The following CCND3 variants were observed in gnomAD, a reference collection of about 807,000 sequenced individuals.
The protein encoded by CCND3 is G1/S-specific cyclin-D3.
Under a neutral mutation model 28.7 loss-of-function variants are expected in CCND3, and 9 were observed. The ratio of observed to expected loss-of-function variants is 0.31; its 90% CI spans 0.19 to 0.55. The LOEUF (loss-of-function observed/expected upper bound fraction) is 0.55. Ranked by LOEUF, CCND3 falls within the 20% of genes least tolerant of loss-of-function variation. The pLI is 0.93. For synonymous variants in CCND3, 164 were observed against 163.9 expected (o/e 1.00, Z 0.00); for missense variants, 315 against 385.8 (o/e 0.82, Z 1.54).
chr6:42,048,843 C>T lies in CCND3; in HGVS notation c.-388G>A, dbSNP rs749408426. On this transcript the variant is annotated 5_prime_UTR_variant, in exon 1 of 5. Transcript: ENST00000372988. This position sits in a 1 kb window ranked among gnomAD's most constrained non-coding sequence, Gnocchi z 4.7. ...ACACCCTCGGCGAGGCCAGGAGGCT[C>T]ATCCGGCGCCGCGCACCCCCGCCCG... The T allele has an allele frequency of 1.5e-4, 49 of 327,620 alleles. No homozygotes were observed. The Middle Eastern group carries it at 2.9e-3, about 20-fold the overall frequency. 20.3% of individuals were successfully genotyped at this position (327,620 alleles called of 1,614,324 possible).
chr6:42,008,304 G>A (rs1763237428), intron 1 of CCND3, among the ~76,000 whole-genome samples: 1 of 152,160 alleles, frequency 6.6e-6, no homozygotes, highest in African/African-American at 2.4e-5. Context: ...CTTAAACCCA[G>A]GAGGCAGAGG....
At chr6:42,003,162 C>CAAAAAAAAA (rs55721061) in intron 1 of CCND3, among the ~76,000 whole-genome samples, 1 of 110,348 alleles carries the variant, frequency 9.1e-6, no homozygotes, top group African/African-American at 3.4e-5. Context: ...AACAGCGTGT[C>CAAAAAAAAA]AAAAAAAAAA....
intron 1 of CCND3, among the ~76,000 whole-genome samples, chr6:41,999,146 G>A (rs1004486297): frequency 6.6e-6 from 1 of 152,200 alleles, no homozygotes; most frequent in African/African-American, 2.4e-5. Flanking sequence ...AATTTGTGCT[G>A]TGGCTGGGCA....
At chr6:42,040,162 A>T (rs1764328117) in intron 1 of CCND3, among the ~76,000 whole-genome samples, 1 of 152,234 alleles carries the variant, frequency 6.6e-6, no homozygotes, top group Non-Finnish European at 1.5e-5. Context: ...TCACGCCTGT[A>T]ATCCCAGCAC....
At position 41,936,418 on chromosome 6, in the gene CCND3, G is replaced by T; in HGVS notation, c.711+141C>A. 9.9e-7 allele frequency: 1 copy of T among 1,006,688 alleles called. No homozygotes were observed. 62.4% of individuals were successfully genotyped at this position (1,006,688 alleles called of 1,614,324 possible). ...TGCTCTTCCCCAGACCAAGGCAGGA[G>T]ATAAAAAGCCACAAAGCCCCAAGGT... On this transcript the variant is annotated intron_variant, in intron 4 of 4. Coordinates refer to ENST00000372991, the MANE Select transcript of CCND3 (RefSeq NM_001760.5). The surrounding 1 kb of genome is among the most constrained non-coding windows in gnomAD (Gnocchi z 4.4).
intron 1 of CCND3, among the ~76,000 whole-genome samples, chr6:41,999,111 C>A (rs1031742914): frequency 7.2e-5 from 11 of 152,150 alleles, no homozygotes; most frequent in African/African-American, 2.7e-4. Flanking sequence ...CTAGAAGTGG[C>A]CAACGTAGGA....
Position 41,936,658 on chromosome 6 carries a change from G to A in CCND3, c.612C>T (p.Ala204=). Residue 204 remains alanine (A), a synonymous_variant, in exon 4 of 5, where the codon GCC becomes GCT. Transcript: ENST00000372991. This position sits in a 1 kb window ranked among gnomAD's most constrained non-coding sequence, Gnocchi z 4.4. ...GCACTGCAGCCCCAATGCTGCCCGTGGCGATCATGGATGGCGGGTACATGG... is the reference window on the plus strand; with the variant it reads ...GCACTGCAGCCCCAATGCTGCCCGTAGCGATCATGGATGGCGGGTACATGG... The part of the protein sequence containing the change: ...TFAMYPPSMI[A]TGSIGAAVQG... 1 of 1,614,158 alleles carries A rather than the reference G, an allele frequency of 6.2e-7. No homozygotes were observed. Among genetic ancestry groups the A allele is most frequent in the Non-Finnish European group, 8.5e-7 (1 of 1,180,004 alleles).
chr6:41,978,672 C>T (rs1286058666), intron 1 of CCND3, among the ~76,000 whole-genome samples: 1 of 152,100 alleles, frequency 6.6e-6, no homozygotes, highest in Non-Finnish European at 1.5e-5. Context: ...ACTGATCTGG[C>T]GTCCTGTGCT....
At chr6:41,990,983 C>T (rs1762630405) in intron 1 of CCND3, among the ~76,000 whole-genome samples, 1 of 151,634 alleles carries the variant, frequency 6.6e-6, no homozygotes, top group Non-Finnish European at 1.5e-5. Flanking sequence ...CCCGGCTTAG[C>T]CAACTGATTT....
chr6:42,006,894 C>G (rs9471725), intron 1 of CCND3, among the ~76,000 whole-genome samples: 52,505 of 148,484 alleles, frequency 0.35, 10,348 homozygotes, highest in Middle Eastern at 0.5. Flanking sequence ...GGTGACAGAG[C>G]AAGACTCTGT....
chr6:41,940,202 T>C (rs902352156), intron 2 of CCND3, among the ~76,000 whole-genome samples, 168 bp downstream of exon 2: 2 of 152,146 alleles, frequency 1.3e-5, no homozygotes, highest in African/African-American at 4.8e-5. Flanking sequence ...ATACTAACCA[T>C]CACACCACAA....
chr6:42,007,843 G>A (rs1276395982), intron 1 of CCND3, among the ~76,000 whole-genome samples: 1 of 152,138 alleles, frequency 6.6e-6, no homozygotes, highest in Non-Finnish European at 1.5e-5. Context: ...AGCACATAAT[G>A]TTGCTTTAAA....
intron 1 of CCND3, among the ~76,000 whole-genome samples, chr6:42,016,958 A>C (rs1013178715): frequency 2.0e-5 from 3 of 152,176 alleles, no homozygotes; most frequent in Non-Finnish European, 4.4e-5. Flanking sequence ...CAAAGGAGAA[A>C]AATTAATTCT....
intron 1 of CCND3, among the ~76,000 whole-genome samples, chr6:42,022,650 C>G (rs1183763312): frequency 1.3e-5 from 2 of 152,242 alleles, no homozygotes; most frequent in African/African-American, 4.8e-5. Context: ...TGATGCAGCA[C>G]TTGGCCTGGA....
chr6:42,047,635 C>T (rs1764585489), intron 1 of CCND3, among the ~76,000 whole-genome samples: 1 of 152,140 alleles, frequency 6.6e-6, no homozygotes, highest in East Asian at 1.9e-4. Context: ...CAGAAAACTG[C>T]CTTTTCTGGG....
Position 41,935,848 on chromosome 6 carries a change from G to A in CCND3, c.*92C>T. 1 of 1,239,442 alleles carries A rather than the reference G, an allele frequency of 8.1e-7. No homozygotes were observed. The highest frequency in any genetic ancestry group is 1.2e-6 in the Non-Finnish European group (1 of 868,494). The allele number at this position is 1,239,442 out of a possible 1,614,324, so 76.8% of individuals were successfully genotyped here. A position where few individuals can be genotyped will look rare whatever the true frequency, so the allele number is the denominator to read the frequency against. On this transcript the variant is annotated 3_prime_UTR_variant, in exon 5 of 5. Coordinates refer to ENST00000372991, the MANE Select transcript of CCND3 (RefSeq NM_001760.5). The stretch of plus-strand genomic sequence containing the variant: ...TGAAGGGGGAACAGACGCCCCTTCA[G>A]GCTTAGATGTGGTGTGGTTCCTGGA...
At chr6:41,964,463 AGT>A (rs10526814) in intron 1 of CCND3, among the ~76,000 whole-genome samples, 77,618 of 146,052 alleles carry the variant, frequency 0.53, 20,967 homozygotes, top group Non-Finnish European at 0.61. Context: ...TCTGTGTGTG[AGT>A]GTGTGTGTGA....
At position 41,940,398 on chromosome 6, in the gene CCND3, T is replaced by C. The variant is rs1411382980; in HGVS notation, c.386A>G (p.Asp129Gly). Residue 129 changes from aspartate to glycine, a missense_variant, in exon 2 of 5, where the codon GAC becomes GGC. Transcript: ENST00000372991. ...LTIEKLCIYT[D>G]HAVSPRQLRD... Reference sequence around the variant, plus strand: ...CAACTGGCGGGGAGAGACAGCGTGGTCGGTGTAGATGCACAGTTTTTCGAT... The same window carrying C: ...CAACTGGCGGGGAGAGACAGCGTGGCCGGTGTAGATGCACAGTTTTTCGAT... The C allele has an allele frequency of 1.2e-6, 2 of 1,613,902 alleles. No homozygotes were observed. The highest frequency in any genetic ancestry group is 1.7e-6 in the Non-Finnish European group (2 of 1,179,982).
At position 41,941,185 on chromosome 6, in the gene CCND3, A is replaced by G; in HGVS notation, c.198+267T>C. 1 of 1,446,042 alleles carries G rather than the reference A, an allele frequency of 6.9e-7. No homozygotes were observed. Among genetic ancestry groups the G allele is most frequent in the East Asian group, 2.5e-5 (1 of 40,154 alleles). 89.6% of individuals were successfully genotyped at this position (1,446,042 alleles called of 1,614,324 possible). A position where few individuals can be genotyped will look rare whatever the true frequency, so the allele number is the denominator to read the frequency against. On this transcript the variant is annotated intron_variant, in intron 1 of 4. Transcript: ENST00000372991. The surrounding 1 kb of genome is among the most constrained non-coding windows in gnomAD (Gnocchi z 6.1). ...CGCTGTGAGAAGCCGAAGGGGAGAG[A>G]GTGTCCTTGGTCCCGTTTGCTCGGC...
Sources: allele counts gnomAD v4.1 joint callset (sites outside exome capture counted in the v4.1 genomes callset), GRCh38; gene constraint gnomAD v4.1.1; non-coding constraint Gnocchi (gnomAD v3.1); transcripts MANE v1.5; gene names NCBI Gene and HGNC (gene_info 2026-07-23, HGNC 2026-07-21).